BPTF: variants seen among roughly 807,000 people sequenced by gnomAD.
The protein encoded by BPTF is nucleosome-remodeling factor subunit BPTF.
A neutral mutation model predicts 292.5 loss-of-function variants in BPTF; 18 were observed. That is an observed-to-expected ratio of 0.06 (90% confidence interval 0.04 to 0.09). The LOEUF (loss-of-function observed/expected upper bound fraction) is 0.09. Ranked by LOEUF, BPTF falls within the 10% of genes least tolerant of loss-of-function variation. The pLI, the probability that BPTF is intolerant of heterozygous loss-of-function variation, is 1.00. For missense variants in BPTF, 2,726 were observed against 3,498.7 expected (o/e 0.78, Z 5.57); for synonymous variants, 1,225 against 1,251.9 (o/e 0.98, Z 0.45).
At chr17:67,904,008 A>C (rs1339207670) in intron 8 of BPTF, 90 bp downstream of exon 8, 1 of 1,117,720 alleles carries the variant, frequency 8.9e-7, no homozygotes, top group Non-Finnish European at 1.3e-6. Context: ...TTTATTTTTG[A>C]CATAGTCTTT....
At chr17:67,960,005 A>G (rs2067321797) in intron 24 of BPTF, 130 bp downstream of exon 24, 4 of 717,812 alleles carry the variant, frequency 5.6e-6, no homozygotes, top group Non-Finnish European at 8.8e-6. Flanking sequence ...TGTTTCATCC[A>G]TGGTCTTGCA....
chr17:67,827,250 A>G (rs550581041), intron 1 of BPTF, among the ~76,000 whole-genome samples: 3 of 152,294 alleles, frequency 2.0e-5, no homozygotes, highest in Admixed American at 6.5e-5. Flanking sequence ...GTCACACGGC[A>G]TCAGTATCAG....
At chr17:67,910,407 T>C (rs2062573078) in intron 10 of BPTF, among the ~76,000 whole-genome samples, 1 of 152,218 alleles carries the variant, frequency 6.6e-6, no homozygotes, top group African/African-American at 2.4e-5. Flanking sequence ...ATGGTAACTC[T>C]GTTTAACCTT....
chr17:67,869,026 G>A (rs1487112799), intron 3 of BPTF, among the ~76,000 whole-genome samples: 3 of 152,118 alleles, frequency 2.0e-5, no homozygotes, highest in African/African-American at 4.8e-5. Flanking sequence ...TGGGGGATAA[G>A]TAATTGCAGT....
At chr17:67,883,069 G>A (rs1426325701) in intron 4 of BPTF, among the ~76,000 whole-genome samples, 1 of 150,380 alleles carries the variant, frequency 6.6e-6, no homozygotes, top group African/African-American at 2.5e-5. Flanking sequence ...TAATCCCAGC[G>A]CTTTGGGAGG....
chr17:67,889,241 T>G (rs1314504983), intron 4 of BPTF, among the ~76,000 whole-genome samples: 2 of 152,186 alleles, frequency 1.3e-5, no homozygotes, highest in Non-Finnish European at 2.9e-5. Context: ...AGTTTAGTTC[T>G]TTTTCTCCAT....
Position 67,945,766 on chromosome 17 carries a change from C to T in BPTF, c.7058C>T (p.Pro2353Leu), listed in dbSNP as rs1555674644. Residue 2353 changes from proline to leucine, a missense_variant, in exon 21 of 28, where the codon CCA becomes CTA. Around this residue, in one of 22 missense-constraint regions of BPTF, gnomAD observed 570 missense variants for 633.5 expected, o/e 0.90. Transcript: ENST00000306378. ...VQSPSQTRIR[P>L]STPSQLSPGQ... Reference sequence around the variant, plus strand: ...AGTCCATCACAGACTCGAATACGTCCATCAACTCCATCCCAACTGTCTCCT... The same window carrying T: ...AGTCCATCACAGACTCGAATACGTCTATCAACTCCATCCCAACTGTCTCCT... 3 of 1,614,040 alleles carry T rather than the reference C, an allele frequency of 1.9e-6. No homozygotes were observed. Among genetic ancestry groups the T allele is most frequent in the Admixed American group, 1.7e-5 (1 of 59,984 alleles).
intron 4 of BPTF, among the ~76,000 whole-genome samples, chr17:67,880,952 T>TACAC (rs1395466230): frequency 9.4e-5 from 8 of 85,158 alleles, no homozygotes; most frequent in African/African-American, 2.8e-4. Flanking sequence ...GTATATTATA[T>TACAC]ATATATACAC....
intron 27 of BPTF, among the ~76,000 whole-genome samples, chr17:67,978,303 TA>T (rs147446457): frequency 0.41 from 39,095 of 95,500 alleles, 5,679 homozygotes; most frequent in East Asian, 0.72. Flanking sequence ...TATATATATA[TA>T]TATATTTTTT....
intron 1 of BPTF, among the ~76,000 whole-genome samples, chr17:67,838,165 A>T (rs531019798): frequency 1.2e-4 from 18 of 152,358 alleles, no homozygotes; most frequent in African/African-American, 3.6e-4. Flanking sequence ...GCAGCCATAG[A>T]CAATAAGTAA....
chr17:67,876,680 C>G (rs2145793901), intron 4 of BPTF, among the ~76,000 whole-genome samples: 1 of 152,246 alleles, frequency 6.6e-6, no homozygotes, highest in South Asian at 2.1e-4. Flanking sequence ...ATATCATGCG[C>G]CTGTAATCCC....
At chr17:67,953,961 C>CTTTTTCTTTTTTTT (rs2066653503) in intron 23 of BPTF, among the ~76,000 whole-genome samples, 1 of 65,640 alleles carries the variant, frequency 1.5e-5, no homozygotes, top group African/African-American at 7.2e-5. Flanking sequence ...CTTTTCTTTT[C>CTTTTTCTTTTTTTT]TTTTTTTTTT....
chr17:67,942,605 C>G (rs1426539888), intron 19 of BPTF, among the ~76,000 whole-genome samples: 2 of 152,096 alleles, frequency 1.3e-5, no homozygotes, highest in Non-Finnish European at 2.9e-5. Flanking sequence ...TGCCCAAGGT[C>G]CCAGTATACC....
intron 4 of BPTF, among the ~76,000 whole-genome samples, chr17:67,880,871 G>A (rs1438846395): frequency 6.6e-6 from 1 of 150,456 alleles, no homozygotes; most frequent in African/African-American, 2.5e-5. Flanking sequence ...AAATTTTATT[G>A]ACTCTTGTTT....
chr17:67,840,471 T>C lies in BPTF; in HGVS notation c.614-13469T>C, dbSNP rs59252707. Among the ~76,000 whole-genome samples, 243 of 113,046 alleles carry C rather than the reference T, an allele frequency of 2.1e-3. 1 individual carries two copies. The highest frequency in any genetic ancestry group is 0.014 in the African/African-American group (225 of 16,508). The allele number at this position is 113,046 out of a possible 152,430, so 74.2% of individuals were successfully genotyped here. A position where few individuals can be genotyped will look rare whatever the true frequency, so the allele number is the denominator to read the frequency against. On this transcript the variant is annotated intron_variant, in intron 1 of 27. Transcript: ENST00000306378. ...GCTGCTGCTCCTCTTGTTGTTGTTGTTGCTGCTGCTGCTGCTCCTCCGCCT... is the reference window on the plus strand; with the variant it reads ...GCTGCTGCTCCTCTTGTTGTTGTTGCTGCTGCTGCTGCTGCTCCTCCGCCT...
intron 3 of BPTF, among the ~76,000 whole-genome samples, chr17:67,871,550 C>G (rs1182754681): frequency 6.6e-6 from 1 of 151,408 alleles, no homozygotes; most frequent in African/African-American, 2.4e-5. Context: ...TTGCTTTATC[C>G]TATGCCTGTA....
intron 1 of BPTF, among the ~76,000 whole-genome samples, chr17:67,843,098 CTATA>C (rs943633767): frequency 1.7e-4 from 26 of 149,588 alleles, no homozygotes; most frequent in African/African-American, 5.9e-4. Flanking sequence ...ATACATATAT[CTATA>C]TATATGTAGA....
At chr17:67,859,185 G>A (rs1197728730) in intron 2 of BPTF, among the ~76,000 whole-genome samples, 6 of 151,648 alleles carry the variant, frequency 4.0e-5, no homozygotes, top group East Asian at 1.9e-4. Flanking sequence ...TCTCACTGTC[G>A]CCCAGGCTAG....
At chr17:67,955,827 T>C (rs1555680719) in intron 23 of BPTF, 1 of 151,560 alleles carries the variant, frequency 6.6e-6, no homozygotes, top group Non-Finnish European at 1.5e-5. Flanking sequence ...AACAAAAAAC[T>C]GTAGCTTCAG....
Sources: allele counts gnomAD v4.1 joint callset (sites outside exome capture counted in the v4.1 genomes callset), GRCh38; gene constraint gnomAD v4.1.1; regional missense constraint gnomAD v4.1.1; transcripts MANE v1.5; gene names NCBI Gene and HGNC (gene_info 2026-07-23, HGNC 2026-07-21).